Variants in ERG observed in about 807,000 individuals in gnomAD.
The protein encoded by ERG is ETS transcription factor ERG.
Under a neutral mutation model 55.3 loss-of-function variants are expected in ERG, and 9 were observed. That is an observed-to-expected ratio of 0.16 (90% CI 0.10 to 0.28). The LOEUF is 0.28. ERG is among the 10% of genes least tolerant of loss of function. ERG has a pLI of 1.00. For missense variants in ERG, 434 were observed against 631.6 expected, an observed-to-expected ratio of 0.69 and a Z score of 3.35; for synonymous variants, 223 against 237.3, an observed-to-expected ratio of 0.94 and a Z score of 0.55.
intron 1 of ERG, among the ~76,000 whole-genome samples, chr21:38,490,337 G>A (rs2059324809): frequency 1.3e-5 from 2 of 152,188 alleles, no homozygotes; most frequent in South Asian, 4.1e-4. Context: ...TGAATGAATA[G>A]TAAAATTAAC....
At chr21:38,462,418 C>T (rs1601439024) in intron 1 of ERG, among the ~76,000 whole-genome samples, 2 of 152,066 alleles carry the variant, frequency 1.3e-5, no homozygotes, top group African/African-American at 2.4e-5. Flanking sequence ...GTAAAGGGGT[C>T]CTGAGACCAA....
At chr21:38,583,243 A>T (rs929239070) in intron 1 of ERG, among the ~76,000 whole-genome samples, 1 of 152,232 alleles carries the variant, frequency 6.6e-6, no homozygotes, top group Non-Finnish European at 1.5e-5. Context: ...CAGGCCCCTG[A>T]CTGGGGCAGA....
chr21:38,387,912 C>T (rs1987776202), intron 9 of ERG, among the ~76,000 whole-genome samples: 1 of 152,186 alleles, frequency 6.6e-6, no homozygotes, highest in South Asian at 2.1e-4. Flanking sequence ...TTTTGCTTAG[C>T]GTTGGCAAGG....
intron 1 of ERG, among the ~76,000 whole-genome samples, chr21:38,644,479 C>T (rs1270346618): frequency 1.3e-5 from 2 of 152,158 alleles, no homozygotes; most frequent in Non-Finnish European, 2.9e-5. Context: ...ACATTGCCTG[C>T]AGACATCTTG....
At chr21:38,640,615 G>T (rs1474292678) in intron 1 of ERG, among the ~76,000 whole-genome samples, 1 of 152,172 alleles carries the variant, frequency 6.6e-6, no homozygotes, top group Non-Finnish European at 1.5e-5. Flanking sequence ...TGTCTTGCCT[G>T]CCGCCATGTA....
At chr21:38,475,224 G>T (rs907063022) in intron 1 of ERG, among the ~76,000 whole-genome samples, 1 of 152,162 alleles carries the variant, frequency 6.6e-6, no homozygotes, top group African/African-American at 2.4e-5. Flanking sequence ...CATAATCAGT[G>T]GCAAGGGATG....
In ERG at chr21:38,383,037, A is replaced by G. The variant is rs988184641; in HGVS notation, c.*366T>C. ...AAAACTGTGTTGTTTCTATTGCTTT[A>G]GTTTCATCCCAGTTTGCATTAGTGG... On this transcript the variant is annotated 3_prime_UTR_variant, in exon 10 of 10. Transcript: ENST00000288319. The surrounding 1 kb of genome is among the most constrained non-coding windows in gnomAD (Gnocchi z 5.7). 3 of 1,087,012 alleles carry G rather than the reference A, an allele frequency of 2.8e-6. No homozygotes were observed. The highest frequency in any genetic ancestry group is 1.6e-5 in the African/African-American group (1 of 61,866). The allele number at this position is 1,087,012 out of a possible 1,614,324, so 67.3% of individuals were successfully genotyped here.
At chr21:38,434,428 G>A (rs1990365128) in intron 2 of ERG, among the ~76,000 whole-genome samples, 2 of 152,110 alleles carry the variant, frequency 1.3e-5, no homozygotes, top group Admixed American at 1.3e-4. Context: ...CTATTCACCT[G>A]TCCATGCTCA....
intron 1 of ERG, among the ~76,000 whole-genome samples, chr21:38,640,089 T>C (rs553216890): frequency 2.6e-5 from 4 of 152,230 alleles, no homozygotes; most frequent in South Asian, 2.1e-4. Context: ...GGGAGTCTTA[T>C]TGTAAGTACT....
intron 1 of ERG, among the ~76,000 whole-genome samples, chr21:38,452,823 C>A (rs1320235834): frequency 6.6e-6 from 1 of 152,242 alleles, no homozygotes; most frequent in Non-Finnish European, 1.5e-5. Flanking sequence ...CTGGTGCCAG[C>A]AATTCTCTTT....
chr21:38,386,149 T>G (rs528683984), intron 9 of ERG, among the ~76,000 whole-genome samples: 1 of 152,332 alleles, frequency 6.6e-6, no homozygotes, highest in East Asian at 1.9e-4. Flanking sequence ...CCTAAATTTG[T>G]GGCAGCAAAC....
intron 1 of ERG, among the ~76,000 whole-genome samples, chr21:38,604,091 A>T (rs1021188455): frequency 5.1e-5 from 4 of 77,976 alleles, no homozygotes; most frequent in East Asian, 5.3e-4. Flanking sequence ...TACTAAAAAT[A>T]AAAAAAAAAA....
intron 1 of ERG, among the ~76,000 whole-genome samples, chr21:38,608,032 T>G (rs1234905851): frequency 1.3e-5 from 2 of 152,062 alleles, no homozygotes; most frequent in Non-Finnish European, 2.9e-5. Flanking sequence ...TTTGATAAAG[T>G]CAGGAAAAAT....
At chr21:38,459,235 G>A (rs2059018356) in intron 1 of ERG, among the ~76,000 whole-genome samples, 1 of 152,202 alleles carries the variant, frequency 6.6e-6, no homozygotes, top group South Asian at 2.1e-4. Context: ...GGGATGGCAG[G>A]TGCATGCTTA....
At chr21:38,474,657 C>T (rs2059170718) in intron 1 of ERG, among the ~76,000 whole-genome samples, 1 of 152,116 alleles carries the variant, frequency 6.6e-6, no homozygotes, top group South Asian at 2.1e-4. Flanking sequence ...AGTCATGAGA[C>T]TCCTACCTGT....
intron 1 of ERG, among the ~76,000 whole-genome samples, chr21:38,473,649 G>A (rs1025800527): frequency 2.6e-5 from 4 of 151,862 alleles, no homozygotes; most frequent in African/African-American, 9.7e-5. Context: ...ATTGAGAGAG[G>A]GAAAATTTTT....
chr21:38,514,849 G>A (rs934272261), intron 2 of ERG, among the ~76,000 whole-genome samples: 1 of 151,872 alleles, frequency 6.6e-6, no homozygotes, highest in Admixed American at 6.5e-5. Flanking sequence ...GAATTTCCAA[G>A]AGAATTTGGA....
intron 2 of ERG, among the ~76,000 whole-genome samples, chr21:38,435,841 GTTAC>G (rs1329532577): frequency 8.5e-5 from 13 of 152,252 alleles, no homozygotes; most frequent in South Asian, 2.1e-4. Flanking sequence ...TCTACAAGCA[GTTAC>G]ATGACAAAGA....
chr21:38,499,636 A>C (rs889065819), upstream of ERG, among the ~76,000 whole-genome samples: 2 of 151,996 alleles, frequency 1.3e-5, no homozygotes, highest in Non-Finnish European at 2.9e-5. Flanking sequence ...AGTTCTGTCC[A>C]CCAGCCCAGG....
Sources: gnomAD v4.1 joint callset for allele counts (sites outside exome capture counted in the v4.1 genomes callset) on GRCh38, gnomAD v4.1.1 for gene constraint, Gnocchi (gnomAD v3.1) non-coding constraint, MANE v1.5 for transcripts, NCBI Gene and HGNC (gene_info 2026-07-23, HGNC 2026-07-21) for gene names.